The following ELAVL2 variants were observed in gnomAD, a reference collection of about 807,000 sequenced individuals.
ELAVL2 encodes the protein ELAV-like protein 2.
Under a neutral mutation model 34.6 loss-of-function variants are expected in ELAVL2, and 4 were observed. The ratio of observed to expected loss-of-function variants is 0.12; its 90% CI spans 0.06 to 0.26. ELAVL2 has a LOEUF of 0.26. ELAVL2 is among the 10% of genes least tolerant of loss of function. ELAVL2 has a pLI of 1.00. For synonymous variants in ELAVL2, 193 were observed against 154.8 expected (o/e 1.25, Z -1.83); for missense variants, 432 against 442.8 (o/e 0.98, Z 0.22).
chr9:23,756,842 C>T (rs1055582391), intron 2 of ELAVL2, among the ~76,000 whole-genome samples: 23 of 152,140 alleles, frequency 1.5e-4, no homozygotes, highest in Middle Eastern at 3.2e-3. Context: ...ATTGATAACT[C>T]CTAGCTAACG....
chr9:23,694,205 C>A (rs189313424), intron 5 of ELAVL2, among the ~76,000 whole-genome samples: 1 of 151,698 alleles, frequency 6.6e-6, no homozygotes, highest in Admixed American at 6.6e-5. Context: ...CAGGAAGTGT[C>A]GTCCTACTCA....
chr9:23,814,522 C>G (rs1362686823), intron 1 of ELAVL2, among the ~76,000 whole-genome samples: 1 of 152,020 alleles, frequency 6.6e-6, no homozygotes, highest in African/African-American at 2.4e-5. Flanking sequence ...CTGATGACCT[C>G]GTATTTGGGA....
At chr9:23,789,222 T>G (rs2060057878) in intron 1 of ELAVL2, among the ~76,000 whole-genome samples, 1 of 152,070 alleles carries the variant, frequency 6.6e-6, no homozygotes, top group Admixed American at 6.5e-5. Flanking sequence ...ATACAGAGGG[T>G]CAGTGACCCT....
At chr9:23,777,365 CTCTA>C (rs1461246510) in intron 1 of ELAVL2, among the ~76,000 whole-genome samples, 5 of 110,618 alleles carry the variant, frequency 4.5e-5, no homozygotes, top group African/African-American at 1.7e-4. Context: ...CACTCTATCG[CTCTA>C]TCTTAGACTA....
chr9:23,709,893 C>A (rs929535720), intron 3 of ELAVL2, among the ~76,000 whole-genome samples: 1 of 152,142 alleles, frequency 6.6e-6, no homozygotes, highest in Non-Finnish European at 1.5e-5. Context: ...CAACACTGAA[C>A]ACCAATCTAC....
At chr9:23,737,820 T>C (rs556579443) in intron 2 of ELAVL2, among the ~76,000 whole-genome samples, 2 of 152,312 alleles carry the variant, frequency 1.3e-5, no homozygotes, top group South Asian at 2.1e-4. Context: ...CAAGGAAGAC[T>C]TGCAACCTGA....
At chr9:23,746,293 C>T (rs555482323) in intron 2 of ELAVL2, among the ~76,000 whole-genome samples, 3 of 152,016 alleles carry the variant, frequency 2.0e-5, no homozygotes, top group Non-Finnish European at 4.4e-5. Context: ...GAGACCAATA[C>T]AAAATTAATA....
intron 1 of ELAVL2, among the ~76,000 whole-genome samples, chr9:23,809,751 C>T (rs927428558): frequency 6.6e-6 from 1 of 152,158 alleles, no homozygotes; most frequent in African/African-American, 2.4e-5. Flanking sequence ...AAAAAGAGCA[C>T]ATGGCCTCTT....
chr9:23,830,623 CA>C (rs2065470275), upstream of ELAVL2, among the ~76,000 whole-genome samples: 26 of 147,464 alleles, frequency 1.8e-4, no homozygotes, highest in Non-Finnish European at 3.4e-4. Flanking sequence ...CACACACACA[CA>C]CCTTTTTTTT....
At chr9:23,715,107 C>T (rs1383851576) in intron 3 of ELAVL2, among the ~76,000 whole-genome samples, 14 of 152,154 alleles carry the variant, frequency 9.2e-5, no homozygotes, top group Admixed American at 9.2e-4. Context: ...TAGTCCCACC[C>T]ACCAAGTAGG....
the ELAVL2 span, among the ~76,000 whole-genome samples, chr9:23,834,275 CTT>C: frequency 6.6e-6 from 1 of 151,860 alleles, no homozygotes; most frequent in Non-Finnish European, 1.5e-5. Flanking sequence ...AATAATATAA[CTT>C]GTCAAAAAAT....
At chr9:23,741,711 G>A (rs538303248) in intron 2 of ELAVL2, among the ~76,000 whole-genome samples, 130 of 152,232 alleles carry the variant, frequency 8.5e-4, no homozygotes, top group African/African-American at 3.0e-3. Flanking sequence ...TAGACCTTCA[G>A]ACACCTGAGA....
chr9:23,699,518 T>C (rs2036409284), intron 5 of ELAVL2, among the ~76,000 whole-genome samples: 1 of 152,224 alleles, frequency 6.6e-6, no homozygotes, highest in Non-Finnish European at 1.5e-5. Context: ...TTGTTCTATC[T>C]AAACTCGAGA....
chr9:23,776,034 T>TA (rs576098169), intron 1 of ELAVL2, among the ~76,000 whole-genome samples: 105 of 152,248 alleles, frequency 6.9e-4, no homozygotes, highest in African/African-American at 2.5e-3. Flanking sequence ...AGGTGGCAAG[T>TA]AAAAAACAAC....
chr9:23,774,651 A>AC (rs980005844), intron 1 of ELAVL2, among the ~76,000 whole-genome samples: 3 of 78,724 alleles, frequency 3.8e-5, no homozygotes, highest in Non-Finnish European at 7.5e-5. Flanking sequence ...TGTGACCCCC[A>AC]CCCCCCTCCC....
the ELAVL2 span, among the ~76,000 whole-genome samples, chr9:23,843,721 T>C: frequency 6.6e-6 from 1 of 152,114 alleles, no homozygotes; most frequent in Non-Finnish European, 1.5e-5. Context: ...ATCATTTACA[T>C]TATTTAATTA....
rs1161186679 is a variant in ELAVL2 at position 23,704,988 on chromosome 9, C to T, written c.417G>A (p.Lys139=). The change falls in exon 4 of 7, where the codon AAG becomes AAA. Residue 139 remains lysine (K), a synonymous_variant. Transcript: ENST00000397312. ...ATTGTGAAAAAAGCTGTTCCAACTCCTTCTGGGTCATTGTTTTTGGAAGTC... is the reference window on the plus strand; with the variant it reads ...ATTGTGAAAAAAGCTGTTCCAACTCTTTCTGGGTCATTGTTTTTGGAAGTC... The part of the protein sequence containing the change: ...VSGLPKTMTQ[K]ELEQLFSQYG... 1.2e-6 allele frequency: 2 copies of T among 1,614,120 alleles called. No individual in the cohort carries two copies. The highest frequency in any genetic ancestry group is 1.7e-6 in the Non-Finnish European group (2 of 1,180,006).
chr9:23,763,675 G>C lies in ELAVL2; in HGVS notation c.-15-1426C>G, dbSNP rs1298512303. On this transcript the variant is annotated intron_variant, in intron 1 of 6. Coordinates refer to ENST00000397312, the MANE Select transcript of ELAVL2 (RefSeq NM_004432.5). Reference sequence around the variant, plus strand: ...GGCACATTAGCAGATAAACATATAGGAAGAAATCTCTACTGCCAGGAGATG... The same window carrying C: ...GGCACATTAGCAGATAAACATATAGCAAGAAATCTCTACTGCCAGGAGATG... Among the ~76,000 whole-genome samples, 5 of 152,222 alleles carry C rather than the reference G, an allele frequency of 3.3e-5. No homozygotes were observed. In the East Asian group the frequency reaches 9.7e-4, roughly 29 times the overall value.
At chr9:23,699,033 A>G (rs1332102499) in intron 5 of ELAVL2, among the ~76,000 whole-genome samples, 1 of 152,236 alleles carries the variant, frequency 6.6e-6, no homozygotes, top group Admixed American at 6.5e-5. Context: ...ACAACTGACA[A>G]TCTCTTATTC....
Sources: allele counts gnomAD v4.1 joint callset (sites outside exome capture counted in the v4.1 genomes callset), GRCh38; gene constraint gnomAD v4.1.1; transcripts MANE v1.5; gene names NCBI Gene and HGNC (gene_info 2026-07-23, HGNC 2026-07-21).